ZNF16: variants seen among roughly 807,000 people sequenced by gnomAD.
ZNF16 encodes zinc finger protein 16.
In ZNF16, 7 loss-of-function variants were observed where a neutral mutation model predicts 9.0. The observed-to-expected ratio is 0.78, with a 90% CI of 0.44 to 1.47. The LOEUF is 1.47. Ranked by LOEUF, ZNF16 falls within the 40% of genes most tolerant of loss-of-function variation. The pLI is 0.01. For synonymous variants in ZNF16, 312 were observed against 301.5 expected, an observed-to-expected ratio of 1.03 and a Z score of -0.36; for missense variants, 830 against 854.2, an observed-to-expected ratio of 0.97 and a Z score of 0.35.
intron 2 of ZNF16, among the ~76,000 whole-genome samples, chr8:144,942,205 C>T (rs1178758559): frequency 6.6e-6 from 1 of 150,768 alleles, no homozygotes; most frequent in Non-Finnish European, 1.5e-5. Flanking sequence ...GTCTCAATCT[C>T]CTGACCTTGT....
Position 144,930,906 on chromosome 8 carries a change from G to A in ZNF16, c.1881C>T (p.Arg627=). The part of the protein sequence containing the change: ...IQHQIIHTGE[R]PYKCSECGKA... ...TCCCACACTCACTGCATTTGTAGGG[G>A]CGCTCGCCCGTGTGGATTATCTGAT... is the stretch of plus-strand genomic sequence containing the variant. The change falls in exon 3 of 3, where the codon CGC becomes CGT. Residue 627 remains arginine, a synonymous_variant. Transcript: ENST00000394909. 1.9e-6 allele frequency: 3 copies of A among 1,609,398 alleles called. No homozygotes were observed. The highest frequency in any genetic ancestry group is 2.5e-6 in the Non-Finnish European group (3 of 1,177,692).
rs188369291 is a variant in ZNF16 at position 144,942,569 on chromosome 8, T to C, written c.196+3442A>G. ...TCCCAAAGTGCTGGGATTACAGGTG[T>C]GAGCCACTGCGTCAAGCCCATTTTT... On this transcript the variant is annotated intron_variant, in intron 2 of 2. Coordinates refer to ENST00000394909, the MANE Select transcript of ZNF16 (RefSeq NM_006958.3). Among the ~76,000 whole-genome samples the C allele has an allele frequency of 3.0e-3, 460 of 152,332 alleles. 8 individuals are homozygous for C. The highest frequency in any genetic ancestry group is 0.014 in the East Asian group (75 of 5,188).
At position 144,931,319 on chromosome 8, in the gene ZNF16, T is replaced by G. The variant is rs527606457; in HGVS notation, c.1468A>C (p.Arg490=). 1 of 1,613,612 alleles carries G rather than the reference T, an allele frequency of 6.2e-7. No individual in the cohort carries two copies. The highest frequency in any genetic ancestry group is 2.2e-5 in the East Asian group (1 of 44,788). Residue 490 remains arginine (R), a synonymous_variant, in exon 3 of 3, where the codon AGA becomes CGA. Transcript: ENST00000394909. ...AAGGCCTTCCCACAGACACTGCATC[T>G]GTACGGCTTCTCTCCCGTGTGGATG... The part of the protein sequence containing the change: ...QIIHTGEKPY[R]CSVCGKAFSH...
Position 144,946,187 on chromosome 8 carries a change from C to A in ZNF16, c.20G>T (p.Arg7Leu). 1 of 1,530,476 alleles carries A rather than the reference C, an allele frequency of 6.5e-7. No individual in the cohort carries two copies. The highest frequency in any genetic ancestry group is 8.8e-7 in the Non-Finnish European group (1 of 1,131,670). The allele number at this position is 1,530,476 out of a possible 1,614,324, so 94.8% of individuals were successfully genotyped here. A position where few individuals can be genotyped will look rare whatever the true frequency, so the allele number is the denominator to read the frequency against. ...GAGCTCCATCTCTGCCTCCTCACGG[C>A]GAGTTCTGAGGCTGGGCATGACAAG... MPSLRTRREEAEMELSV... is the reference protein window; with the variant it reads MPSLRTLREEAEMELSV... Residue 7 changes from arginine (R) to leucine (L), a missense_variant, in exon 2 of 3, where the codon CGC becomes CTC. Arg to Leu is a moderately radical substitution (Grantham distance 102, BLOSUM62 -2). Transcript: ENST00000394909.
chr8:144,950,105 G>A (rs921605311), intron 1 of ZNF16, among the ~76,000 whole-genome samples: 3 of 152,080 alleles, frequency 2.0e-5, no homozygotes, highest in East Asian at 1.9e-4. Flanking sequence ...ATGTTTGGGT[G>A]GAGAGAAACA....
At chr8:144,935,017 G>C (rs1586950376) in intron 2 of ZNF16, among the ~76,000 whole-genome samples, 1 of 149,258 alleles carries the variant, frequency 6.7e-6, no homozygotes, top group Non-Finnish European at 1.5e-5. Context: ...CCACTGTTTA[G>C]ATAGATCAAA....
Position 144,931,452 on chromosome 8 carries a change from G to A in ZNF16, c.1335C>T (p.Ser445=), listed in dbSNP as rs779865350. Residue 445 remains serine (S), a synonymous_variant, in exon 3 of 3, where the codon AGC becomes AGT. Transcript: ENST00000394909. ...CSDCGKAFSQ[S]SSLIQHRRIH... ...TTCTCCGATGCTGAATAAGGCTGGA[G>A]CTCTGACTAAATGCTTTCCCACAGT... 2 of 1,614,128 alleles carry A rather than the reference G, an allele frequency of 1.2e-6. No homozygotes were observed. Among genetic ancestry groups the A allele is most frequent in the Admixed American group, 3.3e-5 (2 of 60,022 alleles).
At position 144,946,109 on chromosome 8, in the gene ZNF16, T is replaced by A. The variant is rs759809446; in HGVS notation, c.98A>T (p.Asp33Val). Reference protein sequence around the residue: ...WTPAAQARVRDAPAVTHPGSA... With the variant: ...WTPAAQARVRVAPAVTHPGSA... ...TCCAGGGTGGGTCACAGCAGGAGCA[T>A]CTCTCACACGGGCCTGGGCTGCAGG... The change falls in exon 2 of 3, where the codon GAT (aspartate) becomes GTT (valine). Residue 33 changes from aspartate to valine, a missense_variant. Coordinates refer to ENST00000394909, the MANE Select transcript of ZNF16 (RefSeq NM_006958.3). 1 of 1,610,804 alleles carries A rather than the reference T, an allele frequency of 6.2e-7. No individual in the cohort carries two copies. Among genetic ancestry groups the A allele is most frequent in the Non-Finnish European group, 8.5e-7 (1 of 1,177,664 alleles).
At position 144,930,549 on chromosome 8, in the gene ZNF16, A is replaced by G; in HGVS notation, c.*189T>C. On this transcript the variant is annotated 3_prime_UTR_variant, in exon 3 of 3. Coordinates refer to ENST00000394909, the MANE Select transcript of ZNF16 (RefSeq NM_006958.3). ...AACCCAAGACATCACAAGAGGCAAGAGCAGTGGCAGTGAGAAGGGAGCCTG... is the reference window on the plus strand; with the variant it reads ...AACCCAAGACATCACAAGAGGCAAGGGCAGTGGCAGTGAGAAGGGAGCCTG... 1 of 592,466 alleles carries G rather than the reference A, an allele frequency of 1.7e-6. No individual in the cohort carries two copies. 36.7% of individuals were successfully genotyped at this position (592,466 alleles called of 1,614,324 possible).
Position 144,933,611 on chromosome 8 carries a change from C to A in ZNF16, c.197-1021G>T. 6.6e-6 allele frequency among the ~76,000 whole-genome samples: 1 copy of A among 152,148 alleles called. No individual in the cohort carries two copies. The highest frequency in any genetic ancestry group is 1.5e-5 in the Non-Finnish European group (1 of 68,006). The stretch of plus-strand genomic sequence containing the variant: ...GCTGAGCAGCTTCCCTGGCCCCCAA[C>A]CTCCCCTCCTGCCCACAGCCTGGTG... On this transcript the variant is annotated intron_variant, in intron 2 of 2. Transcript: ENST00000394909. The surrounding 1 kb of genome is among the most constrained non-coding windows in gnomAD (Gnocchi z 5.6).
At position 144,946,150 on chromosome 8, in the gene ZNF16, T is replaced by A. The variant is rs1462460433; in HGVS notation, c.57A>T (p.Gly19=). The change falls in exon 2 of 3, where the codon GGA becomes GGT. Residue 19 remains glycine, a synonymous_variant. Transcript: ENST00000394909. ...GGGCTGCAGGGGTCCAGGGGGATGG[T>A]CCTGGAACTGAGAGCTCCATCTCTG... ...EEAEMELSVP[G]PSPWTPAAQA... 1 of 1,568,852 alleles carries A rather than the reference T, an allele frequency of 6.4e-7. No homozygotes were observed.
chr8:144,935,425 C>G (rs913624328), intron 2 of ZNF16, among the ~76,000 whole-genome samples: 1 of 152,062 alleles, frequency 6.6e-6, no homozygotes, highest in Non-Finnish European at 1.5e-5. Flanking sequence ...AGGCTGGTCT[C>G]GAACTCCTGA....
rs779225330 is a variant in ZNF16 at position 144,945,971 on chromosome 8, C to G, written c.196+40G>C. 4 of 1,608,580 alleles carry G rather than the reference C, an allele frequency of 2.5e-6. No individual in the cohort carries two copies. In the Admixed American group the frequency reaches 6.7e-5, roughly 27 times the overall value. On this transcript the variant is annotated intron_variant, in intron 2 of 2. Coordinates refer to ENST00000394909, the MANE Select transcript of ZNF16 (RefSeq NM_006958.3). ...ACAGGGTTCCATGGACATCACTTCCCCAGAATAAGGGCACCAGCGGAGAAC... is the reference window on the plus strand; with the variant it reads ...ACAGGGTTCCATGGACATCACTTCCGCAGAATAAGGGCACCAGCGGAGAAC...
intron 2 of ZNF16, among the ~76,000 whole-genome samples, chr8:144,937,470 A>C (rs1173173687): frequency 2.0e-5 from 3 of 151,962 alleles, no homozygotes; most frequent in Middle Eastern, 3.2e-3. Flanking sequence ...TTGATATTCA[A>C]GTTTTAAATT....
chr8:144,931,614 G>C lies in ZNF16; in HGVS notation c.1173C>G (p.His391Gln). The C allele has an allele frequency of 1.9e-6, 3 of 1,614,060 alleles. No homozygotes were observed. Among genetic ancestry groups the C allele is most frequent in the Non-Finnish European group, 2.5e-6 (3 of 1,180,004 alleles). Residue 391 changes from histidine to glutamine, a missense_variant, in exon 3 of 3, where the codon CAC becomes CAG. Physicochemically the swap from His to Gln is conservative, Grantham distance 24 (BLOSUM62 0). Transcript: ENST00000394909. ...TGTGGACCCTCTGGTGCTTCCTCAG[G>C]TGTGCACTCTGGCTGAAGGCTTTCC... ...ECGKAFSQSA[H>Q]LRKHQRVHTG...
chr8:144,931,506 G>A lies in ZNF16; in HGVS notation c.1281C>T (p.His427=), dbSNP rs1833539601. 1 of 1,614,080 alleles carries A rather than the reference G, an allele frequency of 6.2e-7. No homozygotes were observed. Among genetic ancestry groups the A allele is most frequent in the Non-Finnish European group, 8.5e-7 (1 of 1,179,982 alleles). The change falls in exon 3 of 3, where the codon CAC becomes CAT. Residue 427 remains histidine (H), a synonymous_variant. Transcript: ENST00000394909. ...VSNLIKHHRV[H]TGEKPYKCSD... ...TGCACTTATAGGGCTTCTCTCCAGTGTGAACCCTGTGGTGCTTAATGAGGT... is the reference window on the plus strand; with the variant it reads ...TGCACTTATAGGGCTTCTCTCCAGTATGAACCCTGTGGTGCTTAATGAGGT...
rs758001674 is a variant in ZNF16 at position 144,931,337 on chromosome 8, T to C, written c.1450A>G (p.Thr484Ala). The C allele has an allele frequency of 6.2e-7, 1 of 1,613,908 alleles. No homozygotes were observed. Among genetic ancestry groups the C allele is most frequent in the South Asian group, 1.1e-5 (1 of 91,070 alleles). ...SVLRKHQIIH[T>A]GEKPYRCSVC... ...CTGCATCTGTACGGCTTCTCTCCCGTGTGGATGATCTGGTGCTTTCGGAGC... is the reference window on the plus strand; with the variant it reads ...CTGCATCTGTACGGCTTCTCTCCCGCGTGGATGATCTGGTGCTTTCGGAGC... The change falls in exon 3 of 3, where the codon ACG becomes GCG. Residue 484 changes from threonine (T) to alanine (A), a missense_variant. Physicochemically the swap from Thr to Ala is moderately conservative, Grantham distance 58. Coordinates refer to ENST00000394909, the MANE Select transcript of ZNF16 (RefSeq NM_006958.3).
intron 2 of ZNF16, among the ~76,000 whole-genome samples, chr8:144,941,540 T>G (rs753072492): frequency 1.3e-5 from 2 of 152,234 alleles, no homozygotes; most frequent in Non-Finnish European, 2.9e-5. Flanking sequence ...AGGAAGGACT[T>G]CTGCCATTTT....
chr8:144,932,739 G>A lies in ZNF16; in HGVS notation c.197-149C>T. The A allele has an allele frequency of 1.3e-6, 1 of 741,966 alleles. No individual in the cohort carries two copies. The highest frequency in any genetic ancestry group is 2.2e-6 in the Non-Finnish European group (1 of 460,736). 46.0% of individuals were successfully genotyped at this position (741,966 alleles called of 1,614,324 possible). A position where few individuals can be genotyped will look rare whatever the true frequency, so the allele number is the denominator to read the frequency against. On this transcript the variant is annotated intron_variant, in intron 2 of 2. Transcript: ENST00000394909. The surrounding 1 kb of genome is among the most constrained non-coding windows in gnomAD (Gnocchi z 5.0). ...GCAGTCCAGATCAGAGGGCATCAGG[G>A]AGGGGTGGGAGGAGCACTGGGTGAT...
Sources: gnomAD v4.1 joint callset for allele counts (sites outside exome capture counted in the v4.1 genomes callset) on GRCh38, gnomAD v4.1.1 for gene constraint, Gnocchi (gnomAD v3.1) non-coding constraint, MANE v1.5 for transcripts, NCBI Gene and HGNC (gene_info 2026-07-23, HGNC 2026-07-21) for gene names.